The following BLK variants were observed in gnomAD, a reference collection of about 807,000 sequenced individuals.
The protein encoded by BLK is BLK proto-oncogene, Src family tyrosine kinase, also known as tyrosine-protein kinase Blk.
Under a neutral mutation model 61.8 loss-of-function variants are expected in BLK, and 64 were observed. The ratio of observed to expected loss-of-function variants is 1.03; its 90% CI spans 0.85 to 1.27. The LOEUF is 1.27. Ranked by LOEUF, BLK falls within the 50% of genes most tolerant of loss-of-function variation. The pLI is 0.00. For synonymous variants in BLK, 351 were observed against 272.0 expected, an observed-to-expected ratio of 1.29 and a Z score of -2.86; for missense variants, 853 against 660.5, an observed-to-expected ratio of 1.29 and a Z score of -3.19.
chr8:11,562,897 G>C, intron 11 of BLK, 82 bp from the exon 12 acceptor site: 1 of 1,590,570 alleles, frequency 6.3e-7, no homozygotes, highest in Admixed American at 1.7e-5. Flanking sequence ...TGGAAGGACA[G>C]CAGGAGCAGG....
chr8:11,533,847 G>A (rs1800002237), intron 1 of BLK, among the ~76,000 whole-genome samples: 1 of 152,248 alleles, frequency 6.6e-6, no homozygotes, highest in Non-Finnish European at 1.5e-5. Flanking sequence ...ATGTTTGTAT[G>A]GAGGACAGAA....
intron 3 of BLK, among the ~76,000 whole-genome samples, chr8:11,547,293 G>C (rs1800690182): frequency 6.6e-6 from 1 of 152,240 alleles, no homozygotes; most frequent in Non-Finnish European, 1.5e-5. Context: ...ACCAGCCCGA[G>C]GTCACAACAC....
At chr8:11,537,726 C>G (rs1353933449) in intron 1 of BLK, among the ~76,000 whole-genome samples, 2 of 152,172 alleles carry the variant, frequency 1.3e-5, no homozygotes, top group African/African-American at 2.4e-5. Context: ...TCAAGGCTAA[C>G]ATGTATTAGA....
chr8:11,529,812 T>C (rs1330257488), intron 1 of BLK, among the ~76,000 whole-genome samples: 1 of 152,214 alleles, frequency 6.6e-6, no homozygotes, highest in East Asian at 1.9e-4. Context: ...AGGTTAGATC[T>C]CTTTCACTGT....
At chr8:11,539,984 C>G (rs1800305664) in intron 1 of BLK, among the ~76,000 whole-genome samples, 1 of 152,178 alleles carries the variant, frequency 6.6e-6, no homozygotes, top group Non-Finnish European at 1.5e-5. Context: ...CTTACCCAAT[C>G]TATTGCTTAT....
rs2244938 is a variant in BLK at position 11,546,134 on chromosome 8, C to G, written c.175+31C>G. 1.3e-3 allele frequency: 2,152 copies of G among 1,612,492 alleles called. 30 individuals carry two copies. In the African/African-American group the frequency reaches 0.023, roughly 17 times the overall value. On this transcript the variant is annotated intron_variant, in intron 3 of 12. Coordinates refer to ENST00000259089, the MANE Select transcript of BLK (RefSeq NM_001715.3). ...AAGGGTGGTTTGGGAAGCTGAGGCT[C>G]CACAGCCCTCTCCCCTAGGTGGCAG... is the stretch of plus-strand genomic sequence containing the variant.
Position 11,511,558 on chromosome 8 carries a change from C to T in BLK, c.-2+16967C>T, listed in dbSNP as rs76791010. Reference sequence around the variant, plus strand: ...AAATTCTGTCTTAAATTTCCTTAAACACAAGTGTGTATACCTGGAGCAAAG... The same window carrying T: ...AAATTCTGTCTTAAATTTCCTTAAATACAAGTGTGTATACCTGGAGCAAAG... On this transcript the variant is annotated intron_variant, in intron 1 of 12. Coordinates refer to ENST00000259089, the MANE Select transcript of BLK (RefSeq NM_001715.3). Among the ~76,000 whole-genome samples the T allele has an allele frequency of 5.7e-4, 87 of 152,224 alleles. No individual in the cohort carries two copies. The South Asian group carries it at 0.01, about 18-fold the overall frequency.
At chr8:11,559,725 GC>G in intron 10 of BLK, 1 of 455,858 alleles carries the variant, frequency 2.2e-6, no homozygotes, top group Non-Finnish European at 4.4e-6. Flanking sequence ...CGGTTCCCAT[GC>G]CCCATGCCTC....
intron 6 of BLK, chr8:11,552,872 A>G (rs942319173): frequency 6.6e-6 from 1 of 152,554 alleles, no homozygotes; most frequent in African/African-American, 2.4e-5. Flanking sequence ...CTGTTCAACC[A>G]TCATCACCAC....
chr8:11,511,490 G>A (rs565053469), intron 1 of BLK, among the ~76,000 whole-genome samples: 50 of 152,166 alleles, frequency 3.3e-4, no homozygotes, highest in East Asian at 9.6e-4. Context: ...ACCAGTCAGC[G>A]GGTTTGACTT....
intron 1 of BLK, among the ~76,000 whole-genome samples, chr8:11,523,408 G>A (rs958822110): frequency 6.6e-6 from 1 of 152,004 alleles, no homozygotes. Context: ...ACAAAAATTA[G>A]CGAGCATGGT....
intron 1 of BLK, among the ~76,000 whole-genome samples, chr8:11,519,711 C>G (rs1799366400): frequency 6.6e-6 from 1 of 152,124 alleles, no homozygotes; most frequent in African/African-American, 2.4e-5. Flanking sequence ...GAAAATGAGA[C>G]ATGAACAGAT....
chr8:11,524,336 G>A (rs1490751112), intron 1 of BLK, among the ~76,000 whole-genome samples: 5 of 152,098 alleles, frequency 3.3e-5, no homozygotes, highest in Non-Finnish European at 7.4e-5. Flanking sequence ...TTCCATTGGT[G>A]GTAGGGTTGT....
rs983276775 is a variant in BLK, at chr8:11,543,398, C to T, written c.123+51C>T. ...GAGCAGATTACTTACTTCTCCTATGCCTTAATGTCCAAGTTTGTAAAATGG... is the reference window on the plus strand; with the variant it reads ...GAGCAGATTACTTACTTCTCCTATGTCTTAATGTCCAAGTTTGTAAAATGG... On this transcript the variant is annotated intron_variant, in intron 2 of 12. Coordinates refer to ENST00000259089, the MANE Select transcript of BLK (RefSeq NM_001715.3). The T allele has an allele frequency of 1.9e-6, 3 of 1,605,522 alleles. No individual in the cohort carries two copies. In the African/African-American group the frequency reaches 4.0e-5, roughly 21 times the overall value.
chr8:11,517,541 G>A (rs1350561018), intron 1 of BLK, among the ~76,000 whole-genome samples: 1 of 152,222 alleles, frequency 6.6e-6, no homozygotes, highest in East Asian at 1.9e-4. Flanking sequence ...CAGGTTCCCA[G>A]AGCCCTTGCT....
chr8:11,553,331 G>A (rs1377752467), intron 6 of BLK: 2 of 409,134 alleles, frequency 4.9e-6, no homozygotes, highest in Admixed American at 3.0e-5. Flanking sequence ...CTTCATCTCA[G>A]AGCCAGGCCC....
At chr8:11,546,717 A>T (rs1402323765) in intron 3 of BLK, among the ~76,000 whole-genome samples, 2 of 152,206 alleles carry the variant, frequency 1.3e-5, no homozygotes, top group African/African-American at 4.8e-5. Context: ...CTGGGATTAC[A>T]GGTGCACACA....
At chr8:11,536,649 C>G (rs1800144813) in intron 1 of BLK, among the ~76,000 whole-genome samples, 1 of 152,176 alleles carries the variant, frequency 6.6e-6, no homozygotes, top group Admixed American at 6.5e-5. Flanking sequence ...CTCAAATGAT[C>G]TCCCACCTCA....
chr8:11,555,471 C>G lies in BLK; in HGVS notation c.759C>G (p.Gly253=). The change falls in exon 8 of 13, where the codon GGC becomes GGG. Residue 253 remains glycine (G), a synonymous_variant. Transcript: ENST00000259089. ...LVRKLGSGQF[G]EVWMGYYKNN... is the part of the protein sequence containing the mutation. ...GGAAACTCGGGTCTGGACAATTCGG[C>G]GAAGTCTGGATGGGTGAGTGTGTGC... 1 of 1,614,126 alleles carries G rather than the reference C, an allele frequency of 6.2e-7. No individual in the cohort carries two copies. The highest frequency in any genetic ancestry group is 8.5e-7 in the Non-Finnish European group (1 of 1,180,000).
Sources: gnomAD v4.1 joint callset for allele counts (sites outside exome capture counted in the v4.1 genomes callset) on GRCh38, gnomAD v4.1.1 for gene constraint, MANE v1.5 for transcripts, NCBI Gene and HGNC (gene_info 2026-07-23, HGNC 2026-07-21) for gene names.